Variants in DYRK1B observed in about 807,000 individuals in gnomAD.
DYRK1B encodes dual specificity tyrosine-phosphorylation-regulated kinase 1B.
Under a neutral mutation model 57.1 loss-of-function variants are expected in DYRK1B, and 20 were observed. That is an observed-to-expected ratio of 0.35 (90% CI 0.25 to 0.51). The LOEUF (loss-of-function observed/expected upper bound fraction) is 0.51. DYRK1B is among the 20% of genes least tolerant of loss of function. The probability of loss-of-function intolerance (pLI) is 0.96; values close to 1 mark genes in which losing one functional copy is unlikely to be tolerated. For synonymous variants in DYRK1B, 409 were observed against 384.7 expected (o/e 1.06, Z -0.74); for missense variants, 732 against 886.3 (o/e 0.83, Z 2.21).
rs1427545760 is a variant in DYRK1B, at chr19:39,828,824, C to G, written c.521-241G>C. The stretch of plus-strand genomic sequence containing the variant: ...AGAAAGTTTCATTAGTTACTACTAG[C>G]TCTAACACATTCTACACTTCCTCAT... On this transcript the variant is annotated intron_variant, in intron 5 of 10. Coordinates refer to ENST00000323039, the MANE Select transcript of DYRK1B (RefSeq NM_004714.3). This position sits in a 1 kb window ranked among gnomAD's most constrained non-coding sequence, Gnocchi z 4.3. Among the ~76,000 whole-genome samples the G allele has an allele frequency of 6.6e-6, 1 of 152,240 alleles. No individual in the cohort carries two copies. Among genetic ancestry groups the G allele is most frequent in the Non-Finnish European group, 1.5e-5 (1 of 68,034 alleles).
rs370341593 is a variant in DYRK1B, at chr19:39,828,191, C to T, written c.807+106G>A. 1.5e-5 allele frequency: 19 copies of T among 1,271,220 alleles called. No individual in the cohort carries two copies. The highest frequency in any genetic ancestry group is 1.3e-4 in the South Asian group (9 of 69,856). 78.7% of individuals were successfully genotyped at this position (1,271,220 alleles called of 1,614,324 possible). A position where few individuals can be genotyped will look rare whatever the true frequency, so the allele number is the denominator to read the frequency against. On this transcript the variant is annotated intron_variant, in intron 6 of 10. Transcript: ENST00000323039. The surrounding 1 kb of genome is among the most constrained non-coding windows in gnomAD (Gnocchi z 4.3). ...CCCAAGCATTATCCCTCAGTTCCCA[C>T]GGCTCCTAATAATCCCATCCCAGCC...
In DYRK1B at chr19:39,827,301, G is replaced by T; in HGVS notation, c.1079C>A (p.Thr360Lys). ...GGGCCGCACCTTCCTGAGTTCTTTC[G>T]TCCTTCGTAGGGTCCAGCCACCCCC... The part of the protein sequence containing the change: ...LPGGGWTLRR[T>K]KELRKDYQGP... The change falls in exon 8 of 11, where the codon ACG becomes AAG. Residue 360 changes from threonine (T) to lysine (K), a missense_variant. Thr to Lys is a moderately conservative substitution (Grantham distance 78, BLOSUM62 -1). Around this residue, in one of 2 missense-constraint regions of DYRK1B, gnomAD observed 510 missense variants for 681.3 expected, o/e 0.75. Transcript: ENST00000323039. The T allele has an allele frequency of 6.2e-7, 1 of 1,611,740 alleles. No individual in the cohort carries two copies. The highest frequency in any genetic ancestry group is 8.5e-7 in the Non-Finnish European group (1 of 1,178,258).
In DYRK1B at chr19:39,831,966, G is replaced by C; in HGVS notation, c.-99C>G. 7.0e-7 allele frequency: 1 copy of C among 1,426,876 alleles called. No homozygotes were observed. Among genetic ancestry groups the C allele is most frequent in the Non-Finnish European group, 9.2e-7 (1 of 1,091,756 alleles). The allele number at this position is 1,426,876 out of a possible 1,614,324, so 88.4% of individuals were successfully genotyped here. On this transcript the variant is annotated splice_region_variant and 5_prime_UTR_variant, in exon 2 of 11. Transcript: ENST00000323039. The stretch of plus-strand genomic sequence containing the variant: ...GCACCTCGGCTGCCACCGCCGCTGA[G>C]ACCTGAGAGCAGACAGGAAGTGGGA...
chr19:39,828,722 T>C lies in DYRK1B; in HGVS notation c.521-139A>G, dbSNP rs1968662282. The stretch of plus-strand genomic sequence containing the variant: ...GGTACCATCTGCTAGTCAAAATCTT[T>C]TTATCTAACAACTAGATTCACACAG... On this transcript the variant is annotated intron_variant, in intron 5 of 10. Transcript: ENST00000323039. This position sits in a 1 kb window ranked among gnomAD's most constrained non-coding sequence, Gnocchi z 4.3. 2.4e-6 allele frequency: 2 copies of C among 850,560 alleles called. No homozygotes were observed. The highest frequency in any genetic ancestry group is 3.6e-6 in the Non-Finnish European group (2 of 553,274). The allele number at this position is 850,560 out of a possible 1,614,324, so 52.7% of individuals were successfully genotyped here.
Position 39,829,529 on chromosome 19 carries a change from TTTTG to T in DYRK1B, c.520+347_520+350del, listed in dbSNP as rs535624587. Reference sequence around the variant, plus strand: ...GGCGTGAGCCACTGTGCCCAGCCCGTTTTGTTTGTTTTATTGAAGAAGAAACTAG... The same window carrying T: ...GGCGTGAGCCACTGTGCCCAGCCCGTTTTGTTTTATTGAAGAAGAAACTAG... On this transcript the variant is annotated intron_variant, in intron 5 of 10. Coordinates refer to ENST00000323039, the MANE Select transcript of DYRK1B (RefSeq NM_004714.3). 1.5e-3 allele frequency among the ~76,000 whole-genome samples: 225 copies of T among 152,104 alleles called. 2 individuals are homozygous for T. Among genetic ancestry groups the T allele is most frequent in the Admixed American group, 3.8e-3 (58 of 15,278 alleles).
intron 1 of DYRK1B, among the ~76,000 whole-genome samples, chr19:39,832,615 T>C (rs1290061060): frequency 6.6e-6 from 1 of 152,140 alleles, no homozygotes; most frequent in African/African-American, 2.4e-5. Context: ...ACCAAAGTTA[T>C]CTGAGAACCT....
Position 39,828,643 on chromosome 19 carries a change from G to A in DYRK1B, c.521-60C>T, listed in dbSNP as rs1013135804. 5 of 1,529,670 alleles carry A rather than the reference G, an allele frequency of 3.3e-6. No individual in the cohort carries two copies. The highest frequency in any genetic ancestry group is 1.4e-5 in the African/African-American group (1 of 73,628). 94.8% of individuals were successfully genotyped at this position (1,529,670 alleles called of 1,614,324 possible). ...AACGGCTCAGAGAGGGCAGGTGGTGGCCTGGGGTCATACAACGCTCTTTGA... is the reference window on the plus strand; with the variant it reads ...AACGGCTCAGAGAGGGCAGGTGGTGACCTGGGGTCATACAACGCTCTTTGA... On this transcript the variant is annotated intron_variant, in intron 5 of 10. Coordinates refer to ENST00000323039, the MANE Select transcript of DYRK1B (RefSeq NM_004714.3). This position sits in a 1 kb window ranked among gnomAD's most constrained non-coding sequence, Gnocchi z 4.3.
At chr19:39,831,613 T>C (rs1025210914) in intron 2 of DYRK1B, among the ~76,000 whole-genome samples, 192 bp downstream of exon 2, 1 of 152,020 alleles carries the variant, frequency 6.6e-6, no homozygotes, top group Non-Finnish European at 1.5e-5. Flanking sequence ...AACCACTGGG[T>C]CAGGATTTGA....
At position 39,833,242 on chromosome 19, in the gene DYRK1B, A is replaced by G. The variant is rs572558229; in HGVS notation, c.-102+781T>C. 5.1e-6 allele frequency: 5 copies of G among 985,486 alleles called. No homozygotes were observed. The African/African-American group carries it at 7.0e-5, about 14-fold the overall frequency. The allele number at this position is 985,486 out of a possible 1,614,324, so 61.0% of individuals were successfully genotyped here. A position where few individuals can be genotyped will look rare whatever the true frequency, so the allele number is the denominator to read the frequency against. On this transcript the variant is annotated intron_variant, in intron 1 of 10. Transcript: ENST00000323039. ...TCCGGGGCCCTCCCACACCAGGATC[A>G]TCTCTCCCAGCCCCCACCCCCTACC...
intron 1 of DYRK1B, chr19:39,833,161 C>T (rs1968903048): frequency 1.0e-6 from 1 of 985,602 alleles, no homozygotes; most frequent in Non-Finnish European, 1.2e-6. Context: ...TATTCCATGC[C>T]TTGCCACTCC....
chr19:39,825,672 G>C lies in DYRK1B; in HGVS notation c.*43C>G. 1 of 1,524,920 alleles carries C rather than the reference G, an allele frequency of 6.6e-7. No homozygotes were observed. The highest frequency in any genetic ancestry group is 1.2e-5 in the South Asian group (1 of 83,268). 94.5% of individuals were successfully genotyped at this position (1,524,920 alleles called of 1,614,324 possible). ...ATGGGAGCCCAGGGCCCCCAGATGGGGGAGGGTATGGCTTCAGGAGGGGCC... is the reference window on the plus strand; with the variant it reads ...ATGGGAGCCCAGGGCCCCCAGATGGCGGAGGGTATGGCTTCAGGAGGGGCC... On this transcript the variant is annotated 3_prime_UTR_variant, in exon 11 of 11. Transcript: ENST00000323039.
Position 39,825,872 on chromosome 19 carries a change from G to A in DYRK1B, c.1733C>T (p.Pro578Leu), listed in dbSNP as rs148788670. 129 of 1,598,564 alleles carry A rather than the reference G, an allele frequency of 8.1e-5. 1 individual carries two copies. The African/African-American group carries it at 1.6e-3, about 19-fold the overall frequency. ...GTGCTGGGGGGCAGGCGCTGGGTGA[G>A]GTGGGGAGCAGTCAGCAGGGCCGCC... Reference protein sequence around the residue: ...LVGGPADCSPPHPAPAPQHPA... With the variant: ...LVGGPADCSPLHPAPAPQHPA... Residue 578 changes from proline to leucine, a missense_variant, in exon 11 of 11, where the codon CCT becomes CTT. Physicochemically the swap from Pro to Leu is moderately conservative, Grantham distance 98. Coordinates refer to ENST00000323039, the MANE Select transcript of DYRK1B (RefSeq NM_004714.3).
chr19:39,825,871 A>G lies in DYRK1B; in HGVS notation c.1734T>C (p.Pro578=). The change falls in exon 11 of 11, where the codon CCT becomes CCC. Residue 578 remains proline, a synonymous_variant. Transcript: ENST00000323039. ...GGTGCTGGGGGGCAGGCGCTGGGTG[A>G]GGTGGGGAGCAGTCAGCAGGGCCGC... is the stretch of plus-strand genomic sequence containing the variant. ...LVGGPADCSP[P]HPAPAPQHPA... 1.9e-6 allele frequency: 3 copies of G among 1,598,270 alleles called. No homozygotes were observed. Among genetic ancestry groups the G allele is most frequent in the Non-Finnish European group, 2.6e-6 (3 of 1,173,344 alleles).
intron 8 of DYRK1B, 77 bp downstream of exon 8, chr19:39,827,208 G>A (rs770279555): frequency 7.3e-6 from 11 of 1,505,122 alleles, no homozygotes; most frequent in African/African-American, 2.7e-5. Context: ...ACAAGGGAGA[G>A]GGAGCAGGGG....
At chr19:39,829,039 T>C (rs1272831415) in intron 5 of DYRK1B, among the ~76,000 whole-genome samples, 1 of 152,224 alleles carries the variant, frequency 6.6e-6, no homozygotes, top group Non-Finnish European at 1.5e-5. Flanking sequence ...GGAGAAAGAC[T>C]GGCACAGATG....
In DYRK1B at chr19:39,830,756, G is replaced by A. The variant is rs199710767; in HGVS notation, c.91C>T (p.Arg31Trp). 8.7e-6 allele frequency: 14 copies of A among 1,613,806 alleles called. No individual in the cohort carries two copies. Among genetic ancestry groups the A allele is most frequent in the East Asian group, 2.2e-5 (1 of 44,894 alleles). The change falls in exon 3 of 11, where the codon CGG (arginine) becomes TGG (tryptophan). Residue 31 changes from arginine to tryptophan, a missense_variant. Physicochemically the swap from Arg to Trp is moderately radical, Grantham distance 101. Coordinates refer to ENST00000323039, the MANE Select transcript of DYRK1B (RefSeq NM_004714.3). The part of the protein sequence containing the change: ...QVLPDVRLLP[R>W]RLPLAFRDAT... The stretch of plus-strand genomic sequence containing the variant: ...TCCCGGAAGGCCAGGGGCAGCCTCC[G>A]AGGCAGTAGCCGCACATCAGGCAAT...
Position 39,826,930 on chromosome 19 carries a change from C to T in DYRK1B, c.1153G>A (p.Gly385Arg), listed in dbSNP as rs1968568659. The T allele has an allele frequency of 2.8e-6, 4 of 1,435,092 alleles. No individual in the cohort carries two copies. Among genetic ancestry groups the T allele is most frequent in the Non-Finnish European group, 3.6e-6 (4 of 1,104,544 alleles). The allele number at this position is 1,435,092 out of a possible 1,614,324, so 88.9% of individuals were successfully genotyped here. ...TCCCCCGCCCGCCGGCCCCCGGGCC[C>T]GCCCGTCTGCACGCCCAGCACCTCC... Reference protein sequence around the residue: ...LQEVLGVQTGGPGGRRAGEPG... With the variant: ...LQEVLGVQTGRPGGRRAGEPG... Residue 385 changes from glycine to arginine, a missense_variant, in exon 9 of 11, where the codon GGG (glycine) becomes AGG (arginine). Around this residue, in one of 2 missense-constraint regions of DYRK1B, gnomAD observed 510 missense variants for 681.3 expected, o/e 0.75. Transcript: ENST00000323039. The surrounding 1 kb of genome is among the most constrained non-coding windows in gnomAD (Gnocchi z 6.3).
rs376063481 is a variant in DYRK1B, at chr19:39,827,680, G to C, written c.808-24C>G. On this transcript the variant is annotated intron_variant, in intron 6 of 10. Transcript: ENST00000323039. ...ATCTGGGAAAAGGGTAATCGTCAAGGGACCCAGCCTCCCCTACTGGTCCCA... is the reference window on the plus strand; with the variant it reads ...ATCTGGGAAAAGGGTAATCGTCAAGCGACCCAGCCTCCCCTACTGGTCCCA... 1.3e-4 allele frequency: 212 copies of C among 1,606,690 alleles called. 1 individual carries two copies. Among genetic ancestry groups the C allele is most frequent in the Non-Finnish European group, 1.5e-4 (175 of 1,174,444 alleles).
Position 39,828,190 on chromosome 19 carries a change from A to T in DYRK1B, c.807+107T>A. On this transcript the variant is annotated intron_variant, in intron 6 of 10. Coordinates refer to ENST00000323039, the MANE Select transcript of DYRK1B (RefSeq NM_004714.3). This position sits in a 1 kb window ranked among gnomAD's most constrained non-coding sequence, Gnocchi z 4.3. ...CCCCAAGCATTATCCCTCAGTTCCCACGGCTCCTAATAATCCCATCCCAGC... is the reference window on the plus strand; with the variant it reads ...CCCCAAGCATTATCCCTCAGTTCCCTCGGCTCCTAATAATCCCATCCCAGC... 1 of 1,268,744 alleles carries T rather than the reference A, an allele frequency of 7.9e-7. No individual in the cohort carries two copies. The highest frequency in any genetic ancestry group is 1.1e-6 in the Non-Finnish European group (1 of 921,532). 78.6% of individuals were successfully genotyped at this position (1,268,744 alleles called of 1,614,324 possible).
Sources: allele counts gnomAD v4.1 joint callset (sites outside exome capture counted in the v4.1 genomes callset), GRCh38; gene constraint gnomAD v4.1.1; regional missense constraint gnomAD v4.1.1; non-coding constraint Gnocchi (gnomAD v3.1); transcripts MANE v1.5; gene names NCBI Gene and HGNC (gene_info 2026-07-23, HGNC 2026-07-21).